Variants in TGM2 observed in about 807,000 individuals in gnomAD.
TGM2 encodes protein-glutamine gamma-glutamyltransferase 2.
TGM2 carries 53 observed loss-of-function variants against 75.6 expected under a neutral mutation model. The ratio of observed to expected loss-of-function variants is 0.70; its 90% CI spans 0.56 to 0.88. TGM2 has a LOEUF of 0.88. Among genes scored for constraint, TGM2 ranks in the 40% least tolerant of loss-of-function variants. TGM2 has a pLI of 0.00. For synonymous variants in TGM2, 374 were observed against 381.1 expected (o/e 0.98, Z 0.22); for missense variants, 842 against 928.5 (o/e 0.91, Z 1.21).
rs1172180100 is a variant in TGM2 at position 38,138,147 on chromosome 20, C to T, written c.1581G>A (p.Lys527=). 5 of 1,601,772 alleles carry T rather than the reference C, an allele frequency of 3.1e-6. No individual in the cohort carries two copies. The highest frequency in any genetic ancestry group is 4.3e-6 in the Non-Finnish European group (5 of 1,174,316). ...NGILGPECGT[K]YLLNLNLEPF... is the part of the protein sequence containing the mutation. Reference sequence around the variant, plus strand: ...GCTCCAGGTTGAGGTTGAGCAGGTACTTGGTGCCACACTCGGGCCCCAAGA... The same window carrying T: ...GCTCCAGGTTGAGGTTGAGCAGGTATTTGGTGCCACACTCGGGCCCCAAGA... Residue 527 remains lysine, a synonymous_variant, in exon 10 of 13, where the codon AAG becomes AAA. Coordinates refer to ENST00000361475, the MANE Select transcript of TGM2 (RefSeq NM_004613.4).
In TGM2 at chr20:38,150,997, C is replaced by T. The variant is rs1037609048; in HGVS notation, c.494G>A (p.Gly165Asp). The change falls in exon 4 of 13, where the codon GGC becomes GAC. Residue 165 changes from glycine to aspartate, a missense_variant. By Grantham distance (94) the Gly-to-Asp change is moderately conservative. Transcript: ENST00000361475. Reference protein sequence around the residue: ...ERQEYVLTQQGFIYQGSAKFI... With the variant: ...ERQEYVLTQQDFIYQGSAKFI... ...CTTGGCCGAGCCCTGGTAGATAAAG[C>T]CCTGCTGGGTGAGGACATACTCCTG... is the stretch of plus-strand genomic sequence containing the variant. The T allele has an allele frequency of 6.2e-7, 1 of 1,614,076 alleles. No homozygotes were observed. The highest frequency in any genetic ancestry group is 1.3e-5 in the African/African-American group (1 of 74,936).
At position 38,150,964 on chromosome 20, in the gene TGM2, TTGA is replaced by T; in HGVS notation, c.524_526del (p.Ile175del). On this transcript the variant is annotated inframe_deletion, in exon 4 of 13. Coordinates refer to ENST00000361475, the MANE Select transcript of TGM2 (RefSeq NM_004613.4). ...CTGCCCAAAATTCCAAGGTATGTTC[TTGA>T]TGAACTTGGCCGAGCCCTGGTAGAT... 1 of 1,614,180 alleles carries T rather than the reference TTGA, an allele frequency of 6.2e-7. No homozygotes were observed. Among genetic ancestry groups the T allele is most frequent in the Non-Finnish European group, 8.5e-7 (1 of 1,179,994 alleles).
chr20:38,152,247 G>A lies in TGM2; in HGVS notation c.434-1190C>T, dbSNP rs45559531. Among the ~76,000 whole-genome samples the A allele has an allele frequency of 5.4e-3, 817 of 152,284 alleles. 11 individuals carry two copies. Among genetic ancestry groups the A allele is most frequent in the African/African-American group, 0.019 (771 of 41,568 alleles). ...CGGGTCTAATGGAGAAGCTGGCCTG[G>A]GAAGGAAGCAGCTGCCGGCCCCTCA... On this transcript the variant is annotated intron_variant, in intron 3 of 12. Coordinates refer to ENST00000361475, the MANE Select transcript of TGM2 (RefSeq NM_004613.4).
At chr20:38,149,547 T>C (rs1017835647) in intron 4 of TGM2, among the ~76,000 whole-genome samples, 4 of 151,646 alleles carry the variant, frequency 2.6e-5, no homozygotes, top group Admixed American at 6.6e-5. Context: ...GGTGTGGTGG[T>C]GGGCGTCTGT....
At chr20:38,147,780 G>GA (rs1446403363) in intron 5 of TGM2, among the ~76,000 whole-genome samples, 181 bp downstream of exon 5, 1 of 152,140 alleles carries the variant, frequency 6.6e-6, no homozygotes, top group African/African-American at 2.4e-5. Flanking sequence ...TGCTCTGGGG[G>GA]ACCCCATAGC....
intron 10 of TGM2, 144 bp from the exon 11 acceptor site, chr20:38,132,644 C>A: frequency 8.8e-7 from 1 of 1,138,866 alleles, no homozygotes; most frequent in Non-Finnish European, 1.3e-6. Context: ...CTGAACTCCC[C>A]ACTGTGGCTC....
intron 1 of TGM2, among the ~76,000 whole-genome samples, chr20:38,162,406 C>T (rs756320980): frequency 6.6e-6 from 1 of 151,986 alleles, no homozygotes; most frequent in Non-Finnish European, 1.5e-5. Flanking sequence ...CAGGAAATAC[C>T]CAGGGCTGAG....
intron 11 of TGM2, 127 bp from the exon 12 acceptor site, chr20:38,131,356 C>T (rs1410957282): frequency 2.4e-6 from 3 of 1,263,974 alleles, no homozygotes; most frequent in East Asian, 2.6e-5. Flanking sequence ...ATCACCCCCC[C>T]TCCCCCCACC....
intron 12 of TGM2, among the ~76,000 whole-genome samples, chr20:38,130,763 G>A (rs950453874): frequency 3.9e-5 from 6 of 152,228 alleles, no homozygotes; most frequent in Admixed American, 1.3e-4. Flanking sequence ...AAACACCCAC[G>A]CATGCATATG....
chr20:38,162,603 CA>C (rs1330330903), intron 1 of TGM2, among the ~76,000 whole-genome samples: 1 of 152,010 alleles, frequency 6.6e-6, no homozygotes, highest in East Asian at 1.9e-4. Flanking sequence ...ATCTTGATTT[CA>C]AAAAAGTATT....
intron 2 of TGM2, 96 bp from the exon 3 acceptor site, chr20:38,156,185 G>C: frequency 7.0e-7 from 1 of 1,431,794 alleles, no homozygotes. Context: ...TCCAGGCCTA[G>C]TTCTGCCACT....
intron 12 of TGM2, 152 bp downstream of exon 12, chr20:38,130,941 C>T: frequency 8.0e-7 from 1 of 1,243,148 alleles, no homozygotes; most frequent in Non-Finnish European, 1.1e-6. Context: ...GGTGGGAACT[C>T]TAGCCCCAGG....
Position 38,149,692 on chromosome 20 carries a change from A to AAAAAAAAAAAAAAC in TGM2, c.552+1246_552+1247insGTTTTTTTTTTTTT, listed in dbSNP as rs1555809515. ...AGACTCCGCCTCAAAAAAAAAAAAAAAAAAAAAAACAGGACCCTGGGAAAT... is the reference window on the plus strand; with the variant it reads ...AGACTCCGCCTCAAAAAAAAAAAAAAAAAAAAAAAAAAACAAAAAAAAACAGGACCCTGGGAAAT... On this transcript the variant is annotated intron_variant, in intron 4 of 12. Coordinates refer to ENST00000361475, the MANE Select transcript of TGM2 (RefSeq NM_004613.4). Among the ~76,000 whole-genome samples the AAAAAAAAAAAAAAC allele has an allele frequency of 2.6e-4, 39 of 147,232 alleles. No individual in the cohort carries two copies. In the East Asian group the frequency reaches 2.9e-3, roughly 11 times the overall value.
chr20:38,150,413 A>T (rs1378998165), intron 4 of TGM2, among the ~76,000 whole-genome samples: 1 of 152,228 alleles, frequency 6.6e-6, no homozygotes, highest in Non-Finnish European at 1.5e-5. Flanking sequence ...CAGCTAGCAG[A>T]TACAACCAGA....
At chr20:38,131,674 C>T (rs2074835880) in intron 11 of TGM2, among the ~76,000 whole-genome samples, 1 of 152,126 alleles carries the variant, frequency 6.6e-6, no homozygotes, top group African/African-American at 2.4e-5. Context: ...AGCAGAATGT[C>T]TGACACACTG....
Position 38,153,798 on chromosome 20 carries a change from G to A in TGM2, c.433+2049C>T, listed in dbSNP as rs375270274. 1.4e-4 allele frequency among the ~76,000 whole-genome samples: 22 copies of A among 152,232 alleles called. No homozygotes were observed. The East Asian group carries it at 3.9e-3, about 27-fold the overall frequency. On this transcript the variant is annotated intron_variant, in intron 3 of 12. Coordinates refer to ENST00000361475, the MANE Select transcript of TGM2 (RefSeq NM_004613.4). ...GGTCAAAGGGGGAGGCCATTTCTCT[G>A]TAGTCTTGAAGCCCTCCCCTTCTCT...
At chr20:38,132,705 G>T in intron 10 of TGM2, 1 of 709,392 alleles carries the variant, frequency 1.4e-6, no homozygotes, top group Non-Finnish European at 2.5e-6. Context: ...GCGGGTAGAG[G>T]ACGCACTTGG....
rs1441267792 is a variant in TGM2 at position 38,141,841 on chromosome 20, T to A, written c.995+223A>T. 2.0e-5 allele frequency among the ~76,000 whole-genome samples: 3 copies of A among 151,000 alleles called. No individual in the cohort carries two copies. The East Asian group carries it at 5.9e-4, about 30-fold the overall frequency. ...TTGGAATCAAGCCTGGGCCCCCTAATGTGGCATTCCAGACTCCCGACAACA... is the reference window on the plus strand; with the variant it reads ...TTGGAATCAAGCCTGGGCCCCCTAAAGTGGCATTCCAGACTCCCGACAACA... On this transcript the variant is annotated intron_variant, in intron 7 of 12. Transcript: ENST00000361475.
intron 6 of TGM2, among the ~76,000 whole-genome samples, chr20:38,144,153 C>CCGGGAGGCCTCCTCAT (rs2075013907): frequency 6.6e-6 from 1 of 152,148 alleles, no homozygotes. Flanking sequence ...GGGTGGTGTC[C>CCGGGAGGCCTCCTCAT]CGGGAGGCCT....
Sources: gnomAD v4.1 joint callset for allele counts (sites outside exome capture counted in the v4.1 genomes callset) on GRCh38, gnomAD v4.1.1 for gene constraint, MANE v1.5 for transcripts, NCBI Gene and HGNC (gene_info 2026-07-23, HGNC 2026-07-21) for gene names.